Variants in MMP8 observed in about 807,000 individuals in gnomAD.
MMP8 encodes matrix metallopeptidase 8.
In MMP8, 67 loss-of-function variants were observed where a neutral mutation model predicts 51.2. The ratio of observed to expected loss-of-function variants is 1.31; its 90% CI spans 1.08 to 1.60. The LOEUF is 1.60. Ranked by LOEUF, MMP8 falls within the 40% of genes most tolerant of loss-of-function variation. MMP8 has a pLI of 0.00. For missense variants in MMP8, 654 were observed against 558.1 expected, an observed-to-expected ratio of 1.17 and a Z score of -1.73; for synonymous variants, 225 against 191.0, an observed-to-expected ratio of 1.18 and a Z score of -1.47.
At chr11:102,718,937 A>G (rs913946944) in intron 4 of MMP8, among the ~76,000 whole-genome samples, 1 of 152,028 alleles carries the variant, frequency 6.6e-6, no homozygotes, top group Non-Finnish European at 1.5e-5. Flanking sequence ...CACCATCTCC[A>G]CTGTCCCAGA....
rs1266082094 is a variant in MMP8 at position 102,713,865 on chromosome 11, A to G, written c.1191-8T>C. 1.9e-6 allele frequency: 3 copies of G among 1,597,286 alleles called. No homozygotes were observed. The highest frequency in any genetic ancestry group is 8.5e-7 in the Non-Finnish European group (1 of 1,172,918). On this transcript the variant is annotated splice_region_variant and splice_polypyrimidine_tract_variant and intron_variant, in intron 8 of 9. Transcript: ENST00000236826. ...TGTCTTTGGTTATCATATCTGGTAAAAACAAAATGTTATCCGATTTAACAC... is the reference window on the plus strand; with the variant it reads ...TGTCTTTGGTTATCATATCTGGTAAGAACAAAATGTTATCCGATTTAACAC...
intron 1 of MMP8, chr11:102,723,066 AG>A (rs1234583644): frequency 1.6e-6 from 2 of 1,289,590 alleles, no homozygotes; most frequent in Non-Finnish European, 2.0e-6. Context: ...ACTGTAGAAA[AG>A]GCTTATTTAT....
chr11:102,721,260 G>A, intron 4 of MMP8, 141 bp downstream of exon 4: 1 of 1,205,436 alleles, frequency 8.3e-7, no homozygotes, highest in Non-Finnish European at 1.1e-6. Flanking sequence ...AGTATCATGA[G>A]GTAGCAAAAA....
chr11:102,722,541 T>A lies in MMP8; in HGVS notation c.235A>T (p.Asn79Tyr), dbSNP rs1861505120. ...FFGLNVTGKP[N>Y]EETLDMMKKP... is the part of the protein sequence containing the mutation. ...TTCATCATGTCCAGAGTTTCCTCATTTGGCTTCCCCGTCACATTCAACCCA... is the reference window on the plus strand; with the variant it reads ...TTCATCATGTCCAGAGTTTCCTCATATGGCTTCCCCGTCACATTCAACCCA... The change falls in exon 2 of 10, where the codon AAT becomes TAT. Residue 79 changes from asparagine to tyrosine, a missense_variant. Transcript: ENST00000236826. 1 of 1,613,846 alleles carries A rather than the reference T, an allele frequency of 6.2e-7. No individual in the cohort carries two copies. The highest frequency in any genetic ancestry group is 1.3e-5 in the African/African-American group (1 of 74,908).
chr11:102,715,154 C>T (rs1368793943), intron 7 of MMP8, 150 bp downstream of exon 7: 11 of 915,454 alleles, frequency 1.2e-5, no homozygotes, highest in Admixed American at 3.1e-5. Flanking sequence ...AGTTAGTGGT[C>T]CTGATGGGGC....
At position 102,714,710 on chromosome 11, in the gene MMP8, CT is replaced by C. The variant is rs776746454; in HGVS notation, c.1037-2del. 23 of 1,483,258 alleles carry C rather than the reference CT, an allele frequency of 1.6e-5. No individual in the cohort carries two copies. Among genetic ancestry groups the C allele is most frequent in the African/African-American group, 3.0e-5 (2 of 67,604 alleles). 91.9% of individuals were successfully genotyped at this position (1,483,258 alleles called of 1,614,324 possible). On this transcript the variant is annotated splice_acceptor_variant, in intron 7 of 9. Transcript: ENST00000236826. LOFTEE classifies it high-confidence loss of function. ...CCACTCAGAGCCCAGTATTGGTTGC[CT>C]GTCAATGATTCAGGTTAAGTGTTAA...
At chr11:102,713,561 A>T (rs3740936) in intron 9 of MMP8, 104 bp from the exon 10 acceptor site, 83,338 of 1,097,286 alleles carry the variant, frequency 0.076, 4,473 homozygotes, top group East Asian at 0.24. Flanking sequence ...TCAAATGCAA[A>T]CATGCTATTT....
rs1861133017 is a variant in MMP8, at chr11:102,711,842, T to G, written c.*1506A>C. ...AATTTGAACTTATTTAATAGATTATTTTAATTTTTGAACAAGCATAAAGGT... is the reference window on the plus strand; with the variant it reads ...AATTTGAACTTATTTAATAGATTATGTTAATTTTTGAACAAGCATAAAGGT... On this transcript the variant is annotated 3_prime_UTR_variant, in exon 10 of 10. Coordinates refer to ENST00000236826, the MANE Select transcript of MMP8 (RefSeq NM_002424.3). The G allele has an allele frequency of 6.6e-6, 1 of 152,172 alleles. No individual in the cohort carries two copies. Among genetic ancestry groups the G allele is most frequent in the Admixed American group, 6.6e-5 (1 of 15,264 alleles). The allele number at this position is 152,172 out of a possible 1,614,324, so 9.4% of individuals were successfully genotyped here.
chr11:102,722,897 T>A, intron 1 of MMP8: 1 of 1,024,784 alleles, frequency 9.8e-7, no homozygotes, highest in Non-Finnish European at 1.4e-6. Flanking sequence ...AAAAAGGGTG[T>A]CTCATAAGGG....
chr11:102,720,355 G>T (rs146907068), intron 4 of MMP8, among the ~76,000 whole-genome samples: 1 of 152,270 alleles, frequency 6.6e-6, no homozygotes, highest in South Asian at 2.1e-4. Flanking sequence ...TAGATCATTC[G>T]TTCAGGTAAG....
chr11:102,724,890 C>T lies in MMP8; in HGVS notation c.-35G>A. 1 of 1,592,298 alleles carries T rather than the reference C, an allele frequency of 6.3e-7. No individual in the cohort carries two copies. Among genetic ancestry groups the T allele is most frequent in the Non-Finnish European group, 8.6e-7 (1 of 1,167,368 alleles). On this transcript the variant is annotated 5_prime_UTR_variant, in exon 1 of 10. Transcript: ENST00000236826. Reference sequence around the variant, plus strand: ...TTCAAACTCTACCCCTCCTGGCTTTCTTTCTGTCCCTCTGGGTAGGGCCCT... The same window carrying T: ...TTCAAACTCTACCCCTCCTGGCTTTTTTTCTGTCCCTCTGGGTAGGGCCCT...
At chr11:102,715,577 C>A in intron 6 of MMP8, 140 bp from the exon 7 acceptor site, 1 of 1,134,812 alleles carries the variant, frequency 8.8e-7, no homozygotes, top group Admixed American at 2.6e-5. Flanking sequence ...AAGTTCCTAG[C>A]ACAGTGACCA....
At chr11:102,713,517 G>A in intron 9 of MMP8, 60 bp from the exon 10 acceptor site, 3 of 1,382,584 alleles carry the variant, frequency 2.2e-6, no homozygotes, top group South Asian at 1.2e-5. Flanking sequence ...GATGTCTTCA[G>A]TTAGAAAACC....
At chr11:102,722,307 C>G (rs768220962) in intron 2 of MMP8, 122 bp downstream of exon 2, 2 of 1,092,218 alleles carry the variant, frequency 1.8e-6, no homozygotes, top group Non-Finnish European at 2.6e-6. Context: ...ACTACTCACA[C>G]TCTTCAAAGG....
At chr11:102,714,805 T>TATATATATATAC (rs1293792969) in intron 7 of MMP8, 96 bp from the exon 8 acceptor site, 6 of 230,810 alleles carry the variant, frequency 2.6e-5, no homozygotes, top group African/African-American at 1.7e-4. Context: ...TATATATATA[T>TATATATATATAC]ACCACTTCTT....
At position 102,714,554 on chromosome 11, in the gene MMP8, A is replaced by G. The variant is rs755243599; in HGVS notation, c.1190+2T>C. On this transcript the variant is annotated splice_donor_variant, in intron 8 of 9. Coordinates refer to ENST00000236826, the MANE Select transcript of MMP8 (RefSeq NM_002424.3). LOFTEE classifies it high-confidence loss of function. ...TATAATTGAAAAAATAGTTTACGTT[A>G]CCTCCAGAATTGGTCATTTACAAAG... 120 of 1,439,938 alleles carry G rather than the reference A, an allele frequency of 8.3e-5. No homozygotes were observed. The highest frequency in any genetic ancestry group is 1.1e-4 in the Non-Finnish European group (118 of 1,089,740). 89.2% of individuals were successfully genotyped at this position (1,439,938 alleles called of 1,614,324 possible).
Position 102,715,415 on chromosome 11 carries a change from G to A in MMP8, c.925C>T (p.Gln309Ter), listed in dbSNP as rs564076718. ...KDRYFWRRHPQLQRVEMNFIS... is the reference protein window; with the variant it reads ...KDRYFWRRHP Reference sequence around the variant, plus strand: ...AAATTCATTTCGACTCTTTGTAGCTGAGGATGCCTTCTCCAGAAGTACCTA... The same window carrying A: ...AAATTCATTTCGACTCTTTGTAGCTAAGGATGCCTTCTCCAGAAGTACCTA... The change falls in exon 7 of 10, where the codon CAG (glutamine) becomes TAG (stop). Residue 309 changes from glutamine (Q) to a stop codon, truncating the protein, a stop_gained. Transcript: ENST00000236826. LOFTEE classifies it high-confidence loss of function. The A allele has an allele frequency of 2.0e-5, 32 of 1,613,512 alleles. No homozygotes were observed. The highest frequency in any genetic ancestry group is 1.5e-4 in the Admixed American group (9 of 59,940).
chr11:102,724,532 T>C (rs1861563856), intron 1 of MMP8, among the ~76,000 whole-genome samples: 1 of 152,212 alleles, frequency 6.6e-6, no homozygotes, highest in South Asian at 2.1e-4. Context: ...CAGCAGTATT[T>C]TCCCAGCCTT....
chr11:102,715,483 T>A lies in MMP8; in HGVS notation c.903-46A>T, dbSNP rs112478920. On this transcript the variant is annotated intron_variant, in intron 6 of 9. Transcript: ENST00000236826. ...ACACACACACACTTATACATAACAG[T>A]CTAAGTAGGCAGTTCCTGTGACTTT... The A allele has an allele frequency of 1.2e-3, 1,846 of 1,574,244 alleles. 24 individuals carry two copies. The African/African-American group carries it at 0.021, about 18-fold the overall frequency.
Sources: allele counts gnomAD v4.1 joint callset (sites outside exome capture counted in the v4.1 genomes callset), GRCh38; gene constraint gnomAD v4.1.1; transcripts MANE v1.5; gene names NCBI Gene and HGNC (gene_info 2026-07-23, HGNC 2026-07-21).